Variants in RBFOX1 observed in about 807,000 individuals in gnomAD.
RBFOX1 encodes RNA binding fox-1 homolog 1, also known as RNA binding protein fox-1 homolog 1.
RBFOX1 carries 8 observed loss-of-function variants against 57.7 expected under a neutral mutation model. That is an observed-to-expected ratio of 0.14 (90% CI 0.08 to 0.25). The LOEUF (loss-of-function observed/expected upper bound fraction) is 0.25. Ranked by LOEUF, RBFOX1 falls within the 10% of genes least tolerant of loss-of-function variation. The probability of loss-of-function intolerance (pLI) is 1.00; values close to 1 mark genes in which losing one functional copy is unlikely to be tolerated. For synonymous variants in RBFOX1, 326 were observed against 222.4 expected (o/e 1.47, Z -4.15); for missense variants, 611 against 548.5 (o/e 1.11, Z -1.14).
At chr16:6,575,862 A>AAAATAAATAAATAAAT (rs60635526) in intron 2 of RBFOX1, among the ~76,000 whole-genome samples, 144 of 145,516 alleles carry the variant, frequency 9.9e-4, no homozygotes, top group East Asian at 4.2e-3. Context: ...ATCTCAATAA[A>AAAATAAATAAATAAAT]AAATAAATAA....
At chr16:6,885,616 C>G (rs915593842) in intron 3 of RBFOX1, among the ~76,000 whole-genome samples, 1 of 152,068 alleles carries the variant, frequency 6.6e-6, no homozygotes, top group East Asian at 1.9e-4. Flanking sequence ...ACTGCCACCT[C>G]TGCCTCCTGA....
chr16:6,268,537 A>G (rs1008167833), intron 1 of RBFOX1, among the ~76,000 whole-genome samples: 2 of 152,228 alleles, frequency 1.3e-5, no homozygotes, highest in African/African-American at 4.8e-5. Context: ...CTGAATCTGC[A>G]GTATAAATTA....
chr16:6,549,155 G>A (rs1200678656), intron 2 of RBFOX1, among the ~76,000 whole-genome samples: 1 of 23,556 alleles, frequency 4.2e-5, no homozygotes, highest in Non-Finnish European at 8.2e-5. Context: ...GGAAGGAGGA[G>A]GGGGGGGGAA....
At chr16:6,452,616 T>C (rs1315100004) in intron 2 of RBFOX1, among the ~76,000 whole-genome samples, 1 of 152,072 alleles carries the variant, frequency 6.6e-6, no homozygotes, top group Non-Finnish European at 1.5e-5. Flanking sequence ...TCTAAGCAAA[T>C]AGCATCAATG....
intron 8 of RBFOX1, 104 bp downstream of exon 8, chr16:7,595,745 T>G: frequency 1.5e-6 from 1 of 645,518 alleles, no homozygotes. Context: ...GTGACCCTAT[T>G]CCCCCTCATT....
At chr16:7,702,800 A>T (rs2081195490) in intron 14 of RBFOX1, among the ~76,000 whole-genome samples, 1 of 152,232 alleles carries the variant, frequency 6.6e-6, no homozygotes, top group African/African-American at 2.4e-5. Context: ...ATTGGTAATG[A>T]TACCAGCAAC....
At position 6,809,599 on chromosome 16, in the gene RBFOX1, G is replaced by C. The variant is rs536637188; in HGVS notation, c.-16+154949G>C. 3.3e-5 allele frequency among the ~76,000 whole-genome samples: 5 copies of C among 152,188 alleles called. No individual in the cohort carries two copies. The South Asian group carries it at 1.0e-3, about 32-fold the overall frequency. The stretch of plus-strand genomic sequence containing the variant: ...CTTCAACCAAAAGTGCCATAACCTT[G>C]GTACAGAATTGCTACCCCATCCGAA... On this transcript the variant is annotated intron_variant, in intron 3 of 15. Transcript: ENST00000550418.
Position 7,027,147 on chromosome 16 carries a change from C to T in RBFOX1, c.-15-24910C>T, listed in dbSNP as rs542736996. On this transcript the variant is annotated intron_variant, in intron 3 of 15. Coordinates refer to ENST00000550418, the MANE Select transcript of RBFOX1 (RefSeq NM_018723.4). Reference sequence around the variant, plus strand: ...TATGCCTTAGAGTGCTAAGAACAGTCTACCCTCCTTACGAGACTGAGTGTT... The same window carrying T: ...TATGCCTTAGAGTGCTAAGAACAGTTTACCCTCCTTACGAGACTGAGTGTT... Among the ~76,000 whole-genome samples, 344 of 152,300 alleles carry T rather than the reference C, an allele frequency of 2.3e-3. 2 individuals carry two copies. Among genetic ancestry groups the T allele is most frequent in the African/African-American group, 7.9e-3 (330 of 41,572 alleles).
At chr16:6,516,030 G>C (rs1166390781) in intron 2 of RBFOX1, among the ~76,000 whole-genome samples, 1 of 152,016 alleles carries the variant, frequency 6.6e-6, no homozygotes, top group East Asian at 1.9e-4. Flanking sequence ...TTGAGACAGA[G>C]TCTTGCTCTG....
chr16:6,573,547 C>T (rs1294314467), intron 2 of RBFOX1, among the ~76,000 whole-genome samples: 1 of 152,182 alleles, frequency 6.6e-6, no homozygotes, highest in Non-Finnish European at 1.5e-5. Context: ...TCCTGCATCT[C>T]CCCATCCATC....
intron 1 of RBFOX1, among the ~76,000 whole-genome samples, chr16:5,300,059 G>A (rs1025762948): frequency 6.6e-6 from 1 of 151,320 alleles, no homozygotes; most frequent in Non-Finnish European, 1.5e-5. Flanking sequence ...TGAGAAAATT[G>A]TAAGTTTTTT....
intron 4 of RBFOX1, among the ~76,000 whole-genome samples, chr16:7,396,212 C>G (rs1470034874): frequency 6.6e-6 from 1 of 152,124 alleles, no homozygotes; most frequent in African/African-American, 2.4e-5. Context: ...TGCTGTGTCT[C>G]CAAGAGCAAG....
At chr16:7,433,996 G>T (rs929044896) in intron 4 of RBFOX1, among the ~76,000 whole-genome samples, 14 of 152,098 alleles carry the variant, frequency 9.2e-5, no homozygotes, top group Non-Finnish European at 2.1e-4. Context: ...ACGATGAGAG[G>T]GAACAGTTAA....
intron 1 of RBFOX1, among the ~76,000 whole-genome samples, chr16:6,104,727 C>G (rs1490164194): frequency 6.6e-6 from 1 of 152,080 alleles, no homozygotes; most frequent in African/African-American, 2.4e-5. Flanking sequence ...TTAGCCAAAA[C>G]AAACAAAGAG....
chr16:6,023,381 C>T (rs905890670), intron 1 of RBFOX1, among the ~76,000 whole-genome samples: 3 of 152,064 alleles, frequency 2.0e-5, no homozygotes, highest in Non-Finnish European at 2.9e-5. Flanking sequence ...CCTTTTAGCT[C>T]GAACCATCCC....
chr16:6,969,495 G>T (rs1407501436), intron 3 of RBFOX1, among the ~76,000 whole-genome samples: 2 of 151,998 alleles, frequency 1.3e-5, no homozygotes, highest in Non-Finnish European at 2.9e-5. Context: ...AGCACTTCAG[G>T]AGGCCAACGT....
intron 4 of RBFOX1, among the ~76,000 whole-genome samples, chr16:7,390,103 C>G (rs189925508): frequency 1.3e-5 from 2 of 152,122 alleles, no homozygotes; most frequent in East Asian, 3.9e-4. Flanking sequence ...AAAAACAGAG[C>G]GAGAAGGGAG....
At chr16:6,760,081 A>C (rs1323236531) in intron 3 of RBFOX1, among the ~76,000 whole-genome samples, 1 of 152,174 alleles carries the variant, frequency 6.6e-6, no homozygotes, top group Non-Finnish European at 1.5e-5. Flanking sequence ...GTCCAAACTC[A>C]GTGTGATCTT....
intron 3 of RBFOX1, among the ~76,000 whole-genome samples, chr16:6,854,197 CAG>C (rs367956107): frequency 6.6e-6 from 1 of 152,070 alleles, no homozygotes; most frequent in Admixed American, 6.5e-5. Context: ...GGGGTTTAGA[CAG>C]AGCTTGCATT....
Sources: gnomAD v4.1 joint callset for allele counts (sites outside exome capture counted in the v4.1 genomes callset) on GRCh38, gnomAD v4.1.1 for gene constraint, MANE v1.5 for transcripts, NCBI Gene and HGNC (gene_info 2026-07-23, HGNC 2026-07-21) for gene names.